Variants in DARS1 observed in about 807,000 individuals in gnomAD.
DARS1 encodes aspartyl-tRNA synthetase 1.
In DARS1, 51 loss-of-function variants were observed where a neutral mutation model predicts 68.8. The observed-to-expected ratio is 0.74, with a 90% confidence interval of 0.59 to 0.94. The LOEUF (loss-of-function observed/expected upper bound fraction) is 0.94. Ranked by LOEUF, DARS1 falls within the 40% of genes least tolerant of loss-of-function variation. The pLI is 0.00. For synonymous variants in DARS1, 203 were observed against 190.4 expected (o/e 1.07, Z -0.55); for missense variants, 607 against 597.3 (o/e 1.02, Z -0.17).
chr2:135,973,581 G>T (rs754602609), intron 3 of DARS1, among the ~76,000 whole-genome samples: 1 of 152,044 alleles, frequency 6.6e-6, no homozygotes, highest in Admixed American at 6.6e-5. Flanking sequence ...ACTGGGTGTC[G>T]TGGTGGCTCA....
At chr2:135,943,501 C>T in intron 4 of DARS1, 21 bp from the exon 5 acceptor site, 2 of 1,609,192 alleles carry the variant, frequency 1.2e-6, no homozygotes, top group Non-Finnish European at 1.7e-6. Context: ...AAAAAATTCC[C>T]AACTTGAATC....
At chr2:135,970,622 T>C (rs1440972865) in intron 3 of DARS1, among the ~76,000 whole-genome samples, 1 of 151,658 alleles carries the variant, frequency 6.6e-6, no homozygotes, top group Non-Finnish European at 1.5e-5. Flanking sequence ...CAGAAATAAA[T>C]GAATTTGAAA....
At chr2:135,926,321 A>T (rs1196127247) in intron 7 of DARS1, among the ~76,000 whole-genome samples, 1 of 152,248 alleles carries the variant, frequency 6.6e-6, no homozygotes, top group Non-Finnish European at 1.5e-5. Flanking sequence ...CTGATTGTAC[A>T]AACAACTATG....
chr2:135,972,187 G>A (rs1330554302), intron 3 of DARS1, among the ~76,000 whole-genome samples: 2 of 152,028 alleles, frequency 1.3e-5, no homozygotes, highest in Non-Finnish European at 2.9e-5. Context: ...ATTATACTAC[G>A]GAGCTATAGT....
Position 135,932,820 on chromosome 2 carries a change from T to C in DARS1, c.527A>G (p.Gln176Arg). The change falls in exon 7 of 16, where the codon CAG becomes CGG. Residue 176 changes from glutamine to arginine, a missense_variant. Gln to Arg is a conservative substitution (Grantham distance 43). Transcript: ENST00000264161. Reference sequence around the variant, plus strand: ...GACTCTGTTGTCTAATCTTGTATCCTGGTTAACAGTAGCTCTTCCTTCCTA... The same window carrying C: ...GACTCTGTTGTCTAATCTTGTATCCCGGTTAACAGTAGCTCTTCCTTCCTA... ...GEEEGRATVN[Q>R]DTRLDNRVID... 1 of 1,345,150 alleles carries C rather than the reference T, an allele frequency of 7.4e-7. No individual in the cohort carries two copies. The highest frequency in any genetic ancestry group is 1.1e-6 in the Non-Finnish European group (1 of 947,812). 83.3% of individuals were successfully genotyped at this position (1,345,150 alleles called of 1,614,324 possible).
chr2:135,977,414 G>A (rs1389149212), intron 3 of DARS1, among the ~76,000 whole-genome samples: 1 of 152,134 alleles, frequency 6.6e-6, no homozygotes, highest in Non-Finnish European at 1.5e-5. Flanking sequence ...AACAGACATG[G>A]CAGTCGTAAA....
chr2:135,943,005 A>C (rs1162469029), intron 5 of DARS1, among the ~76,000 whole-genome samples: 1 of 152,140 alleles, frequency 6.6e-6, no homozygotes, highest in African/African-American at 2.4e-5. Flanking sequence ...GTCTGTTCTT[A>C]GGGTTTCGCA....
At chr2:135,977,779 A>G (rs1478154242) in intron 3 of DARS1, among the ~76,000 whole-genome samples, 1 of 152,242 alleles carries the variant, frequency 6.6e-6, no homozygotes, top group Non-Finnish European at 1.5e-5. Context: ...GTATGTATAA[A>G]GTGCTGGAAT....
At chr2:135,936,136 A>C (rs1253401791) in intron 5 of DARS1, among the ~76,000 whole-genome samples, 1 of 152,246 alleles carries the variant, frequency 6.6e-6, no homozygotes, top group African/African-American at 2.4e-5. Flanking sequence ...AGCACCTATC[A>C]ACAGTAACTG....
chr2:135,911,466 T>C lies in DARS1; in HGVS notation c.1258A>G (p.Met420Val), dbSNP rs757711148. The C allele has an allele frequency of 1.5e-5, 15 of 1,033,834 alleles. No individual in the cohort carries two copies. Among genetic ancestry groups the C allele is most frequent in the East Asian group, 9.5e-5 (4 of 42,322 alleles). 64.0% of individuals were successfully genotyped at this position (1,033,834 alleles called of 1,614,324 possible). A position where few individuals can be genotyped will look rare whatever the true frequency, so the allele number is the denominator to read the frequency against. ...CCTGACAATATTTCTTCTCCTCTCA[T>C]GAACATATCGTAAGAGTTGGACTGT... ...PKQSNSYDMF[M>V]RGEEILSGAQ... The change falls in exon 14 of 16, where the codon ATG becomes GTG. Residue 420 changes from methionine to valine, a missense_variant. By Grantham distance (21) the Met-to-Val change is conservative. Transcript: ENST00000264161.
intron 4 of DARS1, among the ~76,000 whole-genome samples, chr2:135,945,182 C>G (rs902053072): frequency 6.6e-6 from 1 of 151,934 alleles, no homozygotes; most frequent in African/African-American, 2.4e-5. Flanking sequence ...GGCTGGAGTG[C>G]AGTGGCTCCA....
chr2:135,925,841 A>G (rs1681201776), intron 7 of DARS1, among the ~76,000 whole-genome samples: 1 of 152,196 alleles, frequency 6.6e-6, no homozygotes, highest in Admixed American at 6.5e-5. Flanking sequence ...TTTAGCAAAA[A>G]GCTGTTTCAC....
At chr2:135,946,681 G>A (rs1046741964) in intron 4 of DARS1, among the ~76,000 whole-genome samples, 3 of 152,084 alleles carry the variant, frequency 2.0e-5, no homozygotes, top group East Asian at 1.9e-4. Flanking sequence ...TAGGAGACAC[G>A]TGAAAAAATA....
At chr2:135,953,372 AT>A (rs1221685200) in intron 4 of DARS1, among the ~76,000 whole-genome samples, 1 of 152,210 alleles carries the variant, frequency 6.6e-6, no homozygotes, top group Non-Finnish European at 1.5e-5. Context: ...TAAAAGATAA[AT>A]TCTTATTTTA....
intron 5 of DARS1, among the ~76,000 whole-genome samples, chr2:135,940,080 C>T (rs1349854976): frequency 6.6e-6 from 1 of 152,138 alleles, no homozygotes; most frequent in Non-Finnish European, 1.5e-5. Context: ...ACCAGAGATA[C>T]AAAGAGGAGC....
At chr2:135,930,744 A>G (rs1681324130) in intron 7 of DARS1, among the ~76,000 whole-genome samples, 1 of 152,188 alleles carries the variant, frequency 6.6e-6, no homozygotes, top group African/African-American at 2.4e-5. Flanking sequence ...CTCAAGAGGG[A>G]AGACTAACAT....
At chr2:135,964,127 T>TA (rs1295170518) in intron 3 of DARS1, among the ~76,000 whole-genome samples, 1 of 152,188 alleles carries the variant, frequency 6.6e-6, no homozygotes, top group Non-Finnish European at 1.5e-5. Flanking sequence ...AAAATCATGA[T>TA]AGACTCTTAC....
At chr2:135,970,395 G>A (rs1365297502) in intron 3 of DARS1, among the ~76,000 whole-genome samples, 1 of 151,808 alleles carries the variant, frequency 6.6e-6, no homozygotes, top group African/African-American at 2.4e-5. Context: ...ATGACCAGTG[G>A]GTCAATGAAG....
intron 13 of DARS1, among the ~76,000 whole-genome samples, chr2:135,912,163 T>A (rs780946738): frequency 2.6e-5 from 4 of 152,234 alleles, no homozygotes; most frequent in Non-Finnish European, 5.9e-5. Context: ...ATTCCCAGTT[T>A]AAGGTCAATG....
Sources: gnomAD v4.1 joint callset for allele counts (sites outside exome capture counted in the v4.1 genomes callset) on GRCh38, gnomAD v4.1.1 for gene constraint, MANE v1.5 for transcripts, NCBI Gene and HGNC (gene_info 2026-07-23, HGNC 2026-07-21) for gene names.